Variants in GRID2IP observed in about 807,000 individuals in gnomAD.
GRID2IP encodes delphilin.
In GRID2IP, 78 loss-of-function variants were observed where a neutral mutation model predicts 114.3. That is an observed-to-expected ratio of 0.68 (90% CI 0.57 to 0.82). The LOEUF is 0.82. Among genes scored for constraint, GRID2IP ranks in the 40% least tolerant of loss-of-function variants. GRID2IP has a pLI of 0.00. For synonymous variants in GRID2IP, 809 were observed against 724.0 expected (o/e 1.12, Z -1.89); for missense variants, 1,727 against 1,678.5 (o/e 1.03, Z -0.51).
Position 6,542,236 on chromosome 7 carries a change from C to T in GRID2IP, c.430-2364G>A, listed in dbSNP as rs191350475. Among the ~76,000 whole-genome samples the T allele has an allele frequency of 6.0e-4, 81 of 134,426 alleles. No homozygotes were observed. The East Asian group carries it at 0.015, about 25-fold the overall frequency. The allele number at this position is 134,426 out of a possible 152,430, so 88.2% of individuals were successfully genotyped here. On this transcript the variant is annotated intron_variant, in intron 1 of 21. Transcript: ENST00000457091. ...AGGAGAATCGCTTGAACCCAGGAGT[C>T]GGAGGTTGCAGTGAGTCGAGATCTT...
In GRID2IP at chr7:6,496,977, C is replaced by T. The variant is rs1025011346; in HGVS notation, c.*797G>A. ...GTGTCATCTGCCCCCACACCTGCCC[C>T]GGTCTCATGACTTGCTCCAGGGAAC... On this transcript the variant is annotated 3_prime_UTR_variant, in exon 22 of 22. Coordinates refer to ENST00000457091, the MANE Select transcript of GRID2IP (RefSeq NM_001145118.2). 3.3e-5 allele frequency among the ~76,000 whole-genome samples: 5 copies of T among 152,304 alleles called. No homozygotes were observed. Among genetic ancestry groups the T allele is most frequent in the African/African-American group, 9.6e-5 (4 of 41,568 alleles).
chr7:6,517,391 C>T (rs1021463450), intron 7 of GRID2IP, among the ~76,000 whole-genome samples: 37 of 152,118 alleles, frequency 2.4e-4, no homozygotes, highest in Admixed American at 2.2e-3. Flanking sequence ...CTCTCATCTC[C>T]GCACACGAAG....
intron 20 of GRID2IP, among the ~76,000 whole-genome samples, chr7:6,500,013 G>A (rs953799338): frequency 3.3e-5 from 5 of 152,028 alleles, no homozygotes; most frequent in African/African-American, 1.2e-4. Context: ...TTACAGGCAT[G>A]AGCCACTGCA....
intron 1 of GRID2IP, among the ~76,000 whole-genome samples, chr7:6,545,750 G>A (rs1779878446): frequency 6.6e-6 from 1 of 152,170 alleles, no homozygotes; most frequent in Non-Finnish European, 1.5e-5. Flanking sequence ...GGATGGGACT[G>A]AATCAAAAAG....
rs755853774 is a variant in GRID2IP, at chr7:6,510,277, C to A, written c.1771+6G>T. On this transcript the variant is annotated splice_donor_region_variant and intron_variant, in intron 11 of 21. Transcript: ENST00000457091. ...AGACAGTAGATGACAGAGGCTGGAG[C>A]CCTACCTGTGGTGACTGCTGGGCTG... 2.0e-6 allele frequency: 3 copies of A among 1,523,900 alleles called. No homozygotes were observed. The highest frequency in any genetic ancestry group is 2.7e-6 in the Non-Finnish European group (3 of 1,128,144). The allele number at this position is 1,523,900 out of a possible 1,614,324, so 94.4% of individuals were successfully genotyped here. A position where few individuals can be genotyped will look rare whatever the true frequency, so the allele number is the denominator to read the frequency against.
chr7:6,510,625 G>A lies in GRID2IP; in HGVS notation c.1637C>T (p.Thr546Ile), dbSNP rs746249902. Reference protein sequence around the residue: ...QAGDGTSLPETPNPKMMSAVY... With the variant: ...QAGDGTSLPEIPNPKMMSAVY... ...AGGTCTCACCATCTTGGGGTTGGGG[G>A]TCTCAGGGAGGGACGTGCCGTCGCC... The change falls in exon 10 of 22, where the codon ACC (threonine) becomes ATC (isoleucine). Residue 546 changes from threonine (T) to isoleucine (I), a missense_variant. By Grantham distance (89) the Thr-to-Ile change is moderately conservative. Transcript: ENST00000457091. 3.1e-5 allele frequency: 48 copies of A among 1,535,932 alleles called. No homozygotes were observed. Among genetic ancestry groups the A allele is most frequent in the Non-Finnish European group, 3.8e-5 (43 of 1,142,028 alleles).
rs148841074 is a variant in GRID2IP at position 6,520,091 on chromosome 7, T to A, written c.1268+487A>T. 6.6e-6 allele frequency among the ~76,000 whole-genome samples: 1 copy of A among 151,932 alleles called. No homozygotes were observed. ...GAGTTTGAGACCAGCCTGACCAACA[T>A]AGTGAAACCCTGTCTCTAGTAAAAC... On this transcript the variant is annotated intron_variant, in intron 7 of 21. Transcript: ENST00000457091. The surrounding 1 kb of genome is among the most constrained non-coding windows in gnomAD (Gnocchi z 4.6).
Position 6,545,204 on chromosome 7 carries a change from G to A in GRID2IP, c.430-5332C>T, listed in dbSNP as rs1027578176. 9.9e-5 allele frequency among the ~76,000 whole-genome samples: 15 copies of A among 152,200 alleles called. 1 individual carries two copies. Among genetic ancestry groups the A allele is most frequent in the Middle Eastern group, 3.4e-3 (1 of 294 alleles). On this transcript the variant is annotated intron_variant, in intron 1 of 21. Coordinates refer to ENST00000457091, the MANE Select transcript of GRID2IP (RefSeq NM_001145118.2). ...CGAGGTAGGAGGATCTCTTGTGCCC[G>A]GGAAATCAAGGCTGCAGTAAGCCAT...
At chr7:6,550,774 G>A (rs1272929348) in intron 1 of GRID2IP, among the ~76,000 whole-genome samples, 2 of 151,664 alleles carry the variant, frequency 1.3e-5, no homozygotes. Flanking sequence ...GTTGTACTGA[G>A]CCAAGACCTG....
At chr7:6,549,073 A>T (rs1392249089) in intron 1 of GRID2IP, among the ~76,000 whole-genome samples, 2 of 152,160 alleles carry the variant, frequency 1.3e-5, no homozygotes, top group African/African-American at 2.4e-5. Context: ...ACAGGAGTGA[A>T]GGTGAATGGC....
rs10251107 is a variant in GRID2IP at position 6,514,591 on chromosome 7, G to A, written c.1269-62C>T. On this transcript the variant is annotated intron_variant, in intron 7 of 21. Coordinates refer to ENST00000457091, the MANE Select transcript of GRID2IP (RefSeq NM_001145118.2). ...ACGGGCTTACCATGATGCACAGAGT[G>A]GGGGTAGACAAGACGGCACTTCCAA... 9,070 of 1,388,654 alleles carry A rather than the reference G, an allele frequency of 6.5e-3. 307 individuals are homozygous for A. In the African/African-American group the frequency reaches 0.093, roughly 14 times the overall value. 86.0% of individuals were successfully genotyped at this position (1,388,654 alleles called of 1,614,324 possible).
chr7:6,497,708 T>C lies in GRID2IP; in HGVS notation c.*66A>G, dbSNP rs538138452. The stretch of plus-strand genomic sequence containing the variant: ...GCACAGTGGCCCCGGACCTCGGCAG[T>C]GTCTGGGCTGCCCTCTCGGCCTCCA... On this transcript the variant is annotated 3_prime_UTR_variant, in exon 22 of 22. Transcript: ENST00000457091. 8 of 1,239,822 alleles carry C rather than the reference T, an allele frequency of 6.5e-6. No homozygotes were observed. The African/African-American group carries it at 1.2e-4, about 19-fold the overall frequency. The allele number at this position is 1,239,822 out of a possible 1,614,324, so 76.8% of individuals were successfully genotyped here. A position where few individuals can be genotyped will look rare whatever the true frequency, so the allele number is the denominator to read the frequency against.
intron 1 of GRID2IP, among the ~76,000 whole-genome samples, chr7:6,548,447 G>A (rs1350969973): frequency 6.6e-6 from 1 of 152,126 alleles, no homozygotes; most frequent in Non-Finnish European, 1.5e-5. Flanking sequence ...TCCATGACAT[G>A]CTTATTTCAC....
At position 6,502,989 on chromosome 7, in the gene GRID2IP, G is replaced by A; in HGVS notation, c.3063+19C>T. 1 of 1,551,386 alleles carries A rather than the reference G, an allele frequency of 6.4e-7. No individual in the cohort carries two copies. ...GGCAGAGAAGCAGATAGGGTGCCAG[G>A]AAGGGTACGCCCACTGACCTCCAGG... On this transcript the variant is annotated intron_variant, in intron 17 of 21. Coordinates refer to ENST00000457091, the MANE Select transcript of GRID2IP (RefSeq NM_001145118.2).
Position 6,528,957 on chromosome 7 carries a change from T to C in GRID2IP, c.585-2188A>G, listed in dbSNP as rs1397415955. ...GCCTGACCGCTCCATCTGCCAGGCC[T>C]GCACATTCCCTAGCGCCTCCCAGAC... On this transcript the variant is annotated intron_variant, in intron 2 of 21. Transcript: ENST00000457091. This position sits in a 1 kb window ranked among gnomAD's most constrained non-coding sequence, Gnocchi z 6.0. Among the ~76,000 whole-genome samples, 1 of 152,044 alleles carries C rather than the reference T, an allele frequency of 6.6e-6. No homozygotes were observed. The highest frequency in any genetic ancestry group is 1.5e-5 in the Non-Finnish European group (1 of 68,002).
rs546385991 is a variant in GRID2IP, at chr7:6,522,961, G to A, written c.920-1004C>T. On this transcript the variant is annotated intron_variant, in intron 4 of 21. Coordinates refer to ENST00000457091, the MANE Select transcript of GRID2IP (RefSeq NM_001145118.2). ...ATTACAGACATGAGCTACCATGCCC[G>A]GCCACCCAATTTTTGTATTTTTTGT... Among the ~76,000 whole-genome samples the A allele has an allele frequency of 1.7e-3, 258 of 151,882 alleles. 2 individuals are homozygous for A. The highest frequency in any genetic ancestry group is 0.015 in the Admixed American group (227 of 15,232).
chr7:6,540,403 C>T (rs1024411064), intron 1 of GRID2IP, among the ~76,000 whole-genome samples: 14 of 152,068 alleles, frequency 9.2e-5, no homozygotes, highest in Non-Finnish European at 1.9e-4. Flanking sequence ...TGAGCCACCG[C>T]GGCCGGCCAT....
At chr7:6,524,188 C>T (rs1236150819) in intron 4 of GRID2IP, among the ~76,000 whole-genome samples, 2 of 152,198 alleles carry the variant, frequency 1.3e-5, no homozygotes, top group Non-Finnish European at 2.9e-5. Context: ...ATCCATTTGG[C>T]TTCCTATGAC....
In GRID2IP at chr7:6,497,380, G is replaced by C. The variant is rs1358505297; in HGVS notation, c.*394C>G. On this transcript the variant is annotated 3_prime_UTR_variant, in exon 22 of 22. Transcript: ENST00000457091. ...TGCCTGCAGGGTCGTGCTCAAGGGT[G>C]TCGGCCCCCTCACAGGGACCCACTA... 1 of 165,040 alleles carries C rather than the reference G, an allele frequency of 6.1e-6. No homozygotes were observed. The highest frequency in any genetic ancestry group is 1.3e-5 in the Non-Finnish European group (1 of 76,684). 10.2% of individuals were successfully genotyped at this position (165,040 alleles called of 1,614,324 possible).
Sources: allele counts gnomAD v4.1 joint callset (sites outside exome capture counted in the v4.1 genomes callset), GRCh38; gene constraint gnomAD v4.1.1; non-coding constraint Gnocchi (gnomAD v3.1); transcripts MANE v1.5; gene names NCBI Gene and HGNC (gene_info 2026-07-23, HGNC 2026-07-21).